Variants in KLHL29 observed in about 807,000 individuals in gnomAD.
The protein encoded by KLHL29 is kelch-like protein 29.
KLHL29 carries 21 observed loss-of-function variants against 80.4 expected under a neutral mutation model. That is an observed-to-expected ratio of 0.26 (90% CI 0.19 to 0.38). KLHL29 has a LOEUF of 0.38. KLHL29 is among the 10% of genes least tolerant of loss of function. KLHL29 has a pLI of 1.00. For missense variants in KLHL29, 867 were observed against 1,223.9 expected (o/e 0.71, Z 4.35); for synonymous variants, 511 against 526.8 (o/e 0.97, Z 0.41).
chr2:23,624,520 GCT>G (rs904998666), intron 3 of KLHL29, among the ~76,000 whole-genome samples: 18 of 152,310 alleles, frequency 1.2e-4, no homozygotes, highest in East Asian at 9.6e-4. Context: ...GCCTGGTTCA[GCT>G]CTGTTACTTG....
rs1487342756 is a variant in KLHL29 at position 23,441,288 on chromosome 2, A to G, written c.-153-34272A>G. 5.2e-5 allele frequency among the ~76,000 whole-genome samples: 7 copies of G among 134,140 alleles called. No individual in the cohort carries two copies. In the Admixed American group the frequency reaches 6.3e-4, roughly 12 times the overall value. The allele number at this position is 134,140 out of a possible 152,430, so 88.0% of individuals were successfully genotyped here. ...GGTGGGAATTGAACAATGAGAATAC[A>G]TGGACACAGGAAGGGGAACATCACA... On this transcript the variant is annotated intron_variant, in intron 1 of 13. Transcript: ENST00000486442.
intron 3 of KLHL29, among the ~76,000 whole-genome samples, chr2:23,570,343 C>T (rs1263118413): frequency 1.3e-5 from 2 of 152,210 alleles, no homozygotes; most frequent in African/African-American, 2.4e-5. Flanking sequence ...GGGAATGGCG[C>T]GAGGTGCACG....
chr2:23,405,127 G>A (rs1300372668), intron 1 of KLHL29, among the ~76,000 whole-genome samples: 1 of 152,152 alleles, frequency 6.6e-6, no homozygotes, highest in Admixed American at 6.5e-5. Context: ...GATAAGGAAA[G>A]GTAGCTATTT....
chr2:23,595,630 CTGTG>C (rs759626929), intron 3 of KLHL29, among the ~76,000 whole-genome samples: 2 of 152,326 alleles, frequency 1.3e-5, no homozygotes, highest in Non-Finnish European at 2.9e-5. Flanking sequence ...TGTGGTGTGA[CTGTG>C]TGGGTGCAAG....
chr2:23,393,709 T>C (rs1666379553), intron 1 of KLHL29, among the ~76,000 whole-genome samples: 1 of 152,224 alleles, frequency 6.6e-6, no homozygotes, highest in Admixed American at 6.5e-5. Context: ...ATGTGTTTGC[T>C]CTGTTTTAAC....
rs1670861770 is a variant in KLHL29, at chr2:23,674,212, G to A, written c.941-10187G>A. On this transcript the variant is annotated intron_variant, in intron 5 of 13. Transcript: ENST00000486442. ...GTGAGCTCCCCAGCTCTGCACACGT[G>A]CCGATTTCCATGTGACCCCAACACC... Among the ~76,000 whole-genome samples, 5 of 152,268 alleles carry A rather than the reference G, an allele frequency of 3.3e-5. No individual in the cohort carries two copies. In the South Asian group the frequency reaches 1.0e-3, roughly 32 times the overall value.
intron 2 of KLHL29, among the ~76,000 whole-genome samples, chr2:23,500,339 G>T (rs970595342): frequency 1.3e-5 from 2 of 152,216 alleles, no homozygotes; most frequent in Non-Finnish European, 2.9e-5. Flanking sequence ...TAAGTGATCG[G>T]AAGCCGTGGA....
At chr2:23,559,464 A>G (rs1416066175) in intron 2 of KLHL29, among the ~76,000 whole-genome samples, 2 of 152,128 alleles carry the variant, frequency 1.3e-5, no homozygotes, top group Non-Finnish European at 2.9e-5. Context: ...GCGAACTGAA[A>G]TAAGGAGACA....
intron 2 of KLHL29, among the ~76,000 whole-genome samples, chr2:23,513,678 C>T (rs1439958033): frequency 6.6e-6 from 1 of 152,164 alleles, no homozygotes; most frequent in African/African-American, 2.4e-5. Context: ...CCTCCTCCTT[C>T]CCACGTCACT....
intron 5 of KLHL29, among the ~76,000 whole-genome samples, chr2:23,655,895 T>A (rs1670231342): frequency 6.6e-6 from 1 of 152,056 alleles, no homozygotes. Flanking sequence ...TGAACGGGAA[T>A]CATCACGCGG....
chr2:23,395,083 G>A (rs1334066200), intron 1 of KLHL29, among the ~76,000 whole-genome samples: 1 of 152,156 alleles, frequency 6.6e-6, no homozygotes, highest in Non-Finnish European at 1.5e-5. Context: ...GGCACAGGCT[G>A]GATATTCGTT....
intron 5 of KLHL29, among the ~76,000 whole-genome samples, chr2:23,658,666 C>G (rs1027126643): frequency 6.6e-6 from 1 of 152,204 alleles, no homozygotes; most frequent in Admixed American, 6.5e-5. Flanking sequence ...TGCCAAGAGG[C>G]CTTCCGGTTG....
intron 1 of KLHL29, among the ~76,000 whole-genome samples, chr2:23,391,963 G>C (rs534819750): frequency 6.6e-6 from 1 of 152,186 alleles, no homozygotes; most frequent in Non-Finnish European, 1.5e-5. Flanking sequence ...TAGAAACATG[G>C]GCTTCCTGTC....
intron 2 of KLHL29, among the ~76,000 whole-genome samples, chr2:23,533,831 C>T (rs937941957): frequency 1.3e-5 from 2 of 152,050 alleles, no homozygotes; most frequent in Admixed American, 6.5e-5. Flanking sequence ...TTTGTGAACC[C>T]GGTTTGGGCT....
At chr2:23,386,933 C>T (rs934319666) in intron 1 of KLHL29, among the ~76,000 whole-genome samples, 5 of 152,126 alleles carry the variant, frequency 3.3e-5, no homozygotes, top group African/African-American at 1.2e-4. Context: ...TGGGTCCACC[C>T]GCTGAGAAGC....
intron 1 of KLHL29, among the ~76,000 whole-genome samples, chr2:23,463,286 A>T (rs1369736595): frequency 2.0e-5 from 3 of 151,216 alleles, no homozygotes; most frequent in Non-Finnish European, 4.4e-5. Context: ...ATTTGTTATG[A>T]TTCTTGTTAA....
chr2:23,394,176 A>T (rs555599332), intron 1 of KLHL29, among the ~76,000 whole-genome samples: 1 of 152,356 alleles, frequency 6.6e-6, no homozygotes, highest in Admixed American at 6.5e-5. Context: ...AATTGGGATT[A>T]AAAACAAAAA....
chr2:23,439,177 C>T (rs144152413), intron 1 of KLHL29, among the ~76,000 whole-genome samples: 58,140 of 141,472 alleles, frequency 0.41, 11,601 homozygotes, highest in African/African-American at 0.56. Context: ...CATTTTTTAT[C>T]GTGTCTATTT....
At chr2:23,541,930 G>A (rs950840403) in intron 2 of KLHL29, among the ~76,000 whole-genome samples, 24 of 152,144 alleles carry the variant, frequency 1.6e-4, no homozygotes, top group African/African-American at 4.1e-4. Flanking sequence ...GGCAATGGCC[G>A]TAGTGGTGCA....
Sources: allele counts gnomAD v4.1 joint callset (sites outside exome capture counted in the v4.1 genomes callset), GRCh38; gene constraint gnomAD v4.1.1; transcripts MANE v1.5; gene names NCBI Gene and HGNC (gene_info 2026-07-23, HGNC 2026-07-21).